The following MAP2K4 variants were observed in gnomAD, a reference collection of about 807,000 sequenced individuals.
The protein encoded by MAP2K4 is dual specificity mitogen-activated protein kinase kinase 4.
Under a neutral mutation model 48.5 loss-of-function variants are expected in MAP2K4, and 4 were observed. That is an observed-to-expected ratio of 0.08 (90% CI 0.04 to 0.19). The LOEUF (loss-of-function observed/expected upper bound fraction) is 0.19. MAP2K4 is among the 10% of genes least tolerant of loss of function. MAP2K4 has a pLI of 1.00. For synonymous variants in MAP2K4, 166 were observed against 173.1 expected, an observed-to-expected ratio of 0.96 and a Z score of 0.32; for missense variants, 258 against 493.3, an observed-to-expected ratio of 0.52 and a Z score of 4.52.
chr17:12,070,300 T>TGA (rs2151539043), intron 2 of MAP2K4, among the ~76,000 whole-genome samples: 1 of 152,256 alleles, frequency 6.6e-6, no homozygotes, highest in East Asian at 1.9e-4. Flanking sequence ...GATAATTAGC[T>TGA]ATTACTTGCT....
intron 2 of MAP2K4, among the ~76,000 whole-genome samples, chr17:12,060,150 G>A (rs566980912): frequency 1.3e-5 from 2 of 151,322 alleles, no homozygotes; most frequent in Admixed American, 1.3e-4. Context: ...CTGTGTAAGA[G>A]TTGAGACTCT....
intron 2 of MAP2K4, among the ~76,000 whole-genome samples, chr17:12,070,835 T>G (rs1252435117): frequency 1.3e-5 from 2 of 152,210 alleles, no homozygotes; most frequent in Non-Finnish European, 2.9e-5. Flanking sequence ...GACTCATGAT[T>G]TAGATGGTGT....
At position 12,081,599 on chromosome 17, in the gene MAP2K4, A is replaced by G. The variant is rs1437414173; in HGVS notation, c.393+69A>G. 80 of 1,462,326 alleles carry G rather than the reference A, an allele frequency of 5.5e-5. No individual in the cohort carries two copies. The highest frequency in any genetic ancestry group is 4.7e-6 in the Non-Finnish European group (5 of 1,064,062). The allele number at this position is 1,462,326 out of a possible 1,614,324, so 90.6% of individuals were successfully genotyped here. ...TGAAATTTCATGGTGCAGTAATACC[A>G]CTGTTGTTGTGTTCCTACTTTTGTG... is the stretch of plus-strand genomic sequence containing the variant. On this transcript the variant is annotated intron_variant, in intron 3 of 10. Transcript: ENST00000353533. The surrounding 1 kb of genome is among the most constrained non-coding windows in gnomAD (Gnocchi z 4.2).
intron 1 of MAP2K4, among the ~76,000 whole-genome samples, chr17:12,031,358 T>C (rs1969431825): frequency 6.6e-6 from 1 of 152,224 alleles, no homozygotes; most frequent in African/African-American, 2.4e-5. Flanking sequence ...GTCCTGGCTC[T>C]TTTTTCTGCG....
intron 7 of MAP2K4, among the ~76,000 whole-genome samples, chr17:12,118,065 A>G (rs1174582800): frequency 6.6e-6 from 1 of 152,186 alleles, no homozygotes; most frequent in Non-Finnish European, 1.5e-5. Context: ...GATTCAACAG[A>G]CTGGTTATAG....
chr17:12,104,103 A>G (rs1391851994), intron 4 of MAP2K4, among the ~76,000 whole-genome samples: 1 of 152,178 alleles, frequency 6.6e-6, no homozygotes, highest in Non-Finnish European at 1.5e-5. Context: ...ATTTCCACCA[A>G]AATTTCTATA....
intron 9 of MAP2K4, 104 bp downstream of exon 9, chr17:12,129,391 G>A (rs1453988212): frequency 7.5e-7 from 1 of 1,330,518 alleles, no homozygotes; most frequent in African/African-American, 1.4e-5. Flanking sequence ...GGGACCCTTG[G>A]TCACATCACC....
chr17:12,066,124 GTTTC>G (rs200954692), intron 2 of MAP2K4, among the ~76,000 whole-genome samples: 8 of 145,004 alleles, frequency 5.5e-5, no homozygotes, highest in East Asian at 2.0e-4. Context: ...ATTTACTATT[GTTTC>G]TTTCTTTCTT....
chr17:12,100,960 G>A (rs550589365), intron 4 of MAP2K4, among the ~76,000 whole-genome samples: 3 of 152,022 alleles, frequency 2.0e-5, no homozygotes, highest in Admixed American at 2.0e-4. Context: ...TTGAATACAA[G>A]TTTATTATCA....
intron 2 of MAP2K4, among the ~76,000 whole-genome samples, chr17:12,067,421 T>C (rs1235152177): frequency 6.6e-6 from 1 of 152,136 alleles, no homozygotes; most frequent in African/African-American, 2.4e-5. Flanking sequence ...TGGGAGGCCG[T>C]CGTCCTGTGC....
intron 2 of MAP2K4, among the ~76,000 whole-genome samples, chr17:12,076,712 G>A (rs558436485): frequency 8.5e-6 from 1 of 118,154 alleles, no homozygotes; most frequent in East Asian, 2.9e-4. Flanking sequence ...TAACACCTGT[G>A]GCAGTTTTTC....
chr17:12,044,721 G>C (rs1264050675), intron 1 of MAP2K4, among the ~76,000 whole-genome samples: 1 of 152,228 alleles, frequency 6.6e-6, no homozygotes, highest in Non-Finnish European at 1.5e-5. Context: ...GATAGTGTCA[G>C]ATCCCACCGG....
intron 4 of MAP2K4, among the ~76,000 whole-genome samples, chr17:12,102,737 C>T (rs949171035): frequency 5.3e-5 from 8 of 151,916 alleles, no homozygotes; most frequent in Admixed American, 1.3e-4. Context: ...TATTTCTTGT[C>T]GAGTGATCTT....
At chr17:12,057,466 C>T (rs1309898282) in intron 2 of MAP2K4, among the ~76,000 whole-genome samples, 2 of 151,970 alleles carry the variant, frequency 1.3e-5, no homozygotes, top group Non-Finnish European at 2.9e-5. Flanking sequence ...ATCTTTTAGC[C>T]TGTTTTCTTT....
intron 1 of MAP2K4, among the ~76,000 whole-genome samples, chr17:12,038,436 A>G (rs1969669678): frequency 6.6e-6 from 1 of 152,084 alleles, no homozygotes; most frequent in Non-Finnish European, 1.5e-5. Flanking sequence ...GAACATATTC[A>G]CTCCCCTTTA....
chr17:12,101,701 T>C (rs1311151896), intron 4 of MAP2K4, among the ~76,000 whole-genome samples: 2 of 152,178 alleles, frequency 1.3e-5, no homozygotes, highest in Admixed American at 1.3e-4. Context: ...CTTTAATTTT[T>C]CTCAGCAATA....
chr17:12,115,762 G>C lies in MAP2K4; in HGVS notation c.813+2402G>C, dbSNP rs548757171. The C allele has an allele frequency of 9.9e-4, 753 of 759,492 alleles. 2 individuals carry two copies. Among genetic ancestry groups the C allele is most frequent in the Non-Finnish European group, 8.2e-4 (336 of 407,934 alleles). 47.0% of individuals were successfully genotyped at this position (759,492 alleles called of 1,614,324 possible). On this transcript the variant is annotated intron_variant, in intron 7 of 10. Transcript: ENST00000353533. Reference sequence around the variant, plus strand: ...TTGTGACCTGTGTAATTATGCAAAAGAATGGAGCTGGATTACACATGGCAA... The same window carrying C: ...TTGTGACCTGTGTAATTATGCAAAACAATGGAGCTGGATTACACATGGCAA...
chr17:12,036,493 G>T (rs1049644132), intron 1 of MAP2K4: 1 of 152,052 alleles, frequency 6.6e-6, no homozygotes, highest in Non-Finnish European at 1.5e-5. Flanking sequence ...TTCGAGGAGG[G>T]ATGAGGATTT....
chr17:12,024,641 CAAATT>C (rs1214293133), intron 1 of MAP2K4, among the ~76,000 whole-genome samples: 2 of 152,160 alleles, frequency 1.3e-5, no homozygotes, highest in Non-Finnish European at 2.9e-5. Flanking sequence ...AAACAATACT[CAAATT>C]AACTACTCTG....
Sources: allele counts gnomAD v4.1 joint callset (sites outside exome capture counted in the v4.1 genomes callset), GRCh38; gene constraint gnomAD v4.1.1; non-coding constraint Gnocchi (gnomAD v3.1); transcripts MANE v1.5; gene names NCBI Gene and HGNC (gene_info 2026-07-23, HGNC 2026-07-21).